Variants in RP2 observed in about 807,000 individuals in gnomAD.
RP2 encodes RP2 activator of ARL3 GTPase, also known as protein XRP2.
In RP2, 3 loss-of-function variants were observed where a neutral mutation model predicts 20.3. The observed-to-expected ratio is 0.15, with a 90% confidence interval of 0.07 to 0.38. The LOEUF (loss-of-function observed/expected upper bound fraction) is 0.38. Among genes scored for constraint, RP2 ranks in the 10% least tolerant of loss-of-function variants. The pLI, the probability that RP2 is intolerant of heterozygous loss-of-function variation, is 1.00. For missense variants in RP2, 233 were observed against 268.5 expected (o/e 0.87, Z 0.92); for synonymous variants, 75 against 94.8 (o/e 0.79, Z 1.22).
At chrX:46,855,623 A>G (rs888106395) in intron 2 of RP2, among the ~76,000 whole-genome samples, 12 of 109,893 alleles carry the variant, frequency 1.1e-4, no homozygotes, top group African/African-American at 4.0e-4. Context: ...GCCTGCCACC[A>G]TGCCCGCTAA....
At chrX:46,848,681 G>A (rs1410452022) in intron 1 of RP2, among the ~76,000 whole-genome samples, 1 of 109,304 alleles carries the variant, frequency 9.1e-6, no homozygotes, top group East Asian at 2.9e-4. Flanking sequence ...ACCACGCCTG[G>A]CCACTTTCCT....
chrX:46,841,074 A>G (rs1556314877), intron 1 of RP2, among the ~76,000 whole-genome samples: 1 of 112,167 alleles, frequency 8.9e-6, no homozygotes, highest in African/African-American at 3.2e-5. Flanking sequence ...AGGTTTAGAC[A>G]GTAATGGTCA....
At chrX:46,868,489 T>C (rs1556323703) in intron 3 of RP2, among the ~76,000 whole-genome samples, 1 of 110,547 alleles carries the variant, frequency 9.0e-6, no homozygotes, top group Non-Finnish European at 1.9e-5. Context: ...AGTCTCACCC[T>C]TAGGAATGAT....
intron 1 of RP2, among the ~76,000 whole-genome samples, chrX:46,838,954 T>C (rs906343772): frequency 8.9e-6 from 1 of 111,848 alleles, no homozygotes; most frequent in African/African-American, 3.2e-5. Context: ...TTGTAAGAGA[T>C]GTTATTGGAT....
Position 46,853,489 on chromosome X carries a change from A to T in RP2, c.116A>T (p.Asp39Val). 8.3e-7 allele frequency: 1 copy of T among 1,210,005 alleles called. No individual in the cohort carries two copies. The highest frequency in any genetic ancestry group is 1.1e-6 in the Non-Finnish European group (1 of 894,508). ...WDQREKVDPK[D>V]YMFSGLKDET... ...TTGTTCCTGCAGGTTGATCCAAAAG[A>T]CTACATGTTCAGTGGACTGAAGGAT... The change falls in exon 2 of 5, where the codon GAC becomes GTC. Residue 39 changes from aspartate (D) to valine (V), a missense_variant. Asp to Val is a radical substitution (Grantham distance 152). Transcript: ENST00000218340.
chrX:46,849,019 G>C (rs1330833570), intron 1 of RP2, among the ~76,000 whole-genome samples: 1 of 108,241 alleles, frequency 9.2e-6, no homozygotes, highest in East Asian at 3.0e-4. Context: ...AACAGAGTGA[G>C]ACCCTGTGTC....
intron 1 of RP2, among the ~76,000 whole-genome samples, chrX:46,849,617 T>G (rs1924823546): frequency 8.9e-6 from 1 of 111,742 alleles, no homozygotes; most frequent in Admixed American, 9.6e-5. Flanking sequence ...ATCTTAAATT[T>G]CTCCTTGGAA....
chrX:46,837,267 C>A, intron 1 of RP2, 65 bp downstream of exon 1: 1 of 1,057,123 alleles, frequency 9.5e-7, no homozygotes, highest in Non-Finnish European at 1.3e-6. Flanking sequence ...CCCTTACGGC[C>A]CGGGACCGCT....
chrX:46,868,453 C>T (rs781810080), intron 3 of RP2, among the ~76,000 whole-genome samples: 1 of 110,713 alleles, frequency 9.0e-6, no homozygotes, highest in South Asian at 3.8e-4. Flanking sequence ...GCAAAGATGC[C>T]TTCCATCACT....
chrX:46,862,476 C>T (rs782403651), intron 3 of RP2, among the ~76,000 whole-genome samples: 14 of 109,870 alleles, frequency 1.3e-4, no homozygotes, highest in Admixed American at 2.9e-4. Flanking sequence ...CTGGCTAACA[C>T]GGTGAAACCC....
Position 46,853,984 on chromosome X carries a change from C to T in RP2, c.611C>T (p.Thr204Ile). The change falls in exon 2 of 5, where the codon ACC becomes ATC. Residue 204 changes from threonine to isoleucine, a missense_variant. Physicochemically the swap from Thr to Ile is moderately conservative, Grantham distance 89. This residue lies in a region of RP2 where 118 missense variants were observed against 123.8 expected (regional missense o/e 0.95). Coordinates refer to ENST00000218340, the MANE Select transcript of RP2 (RefSeq NM_006915.3). ...VVQDYVPIPTTEELKAVRVST... is the reference protein window; with the variant it reads ...VVQDYVPIPTIEELKAVRVST... ...CAGGACTATGTTCCTATACCTACTACCGAAGAGCTCAAAGCTGTTCGTGTT... is the reference window on the plus strand; with the variant it reads ...CAGGACTATGTTCCTATACCTACTATCGAAGAGCTCAAAGCTGTTCGTGTT... 8.3e-7 allele frequency: 1 copy of T among 1,211,716 alleles called. No individual in the cohort carries two copies. The highest frequency in any genetic ancestry group is 1.1e-6 in the Non-Finnish European group (1 of 895,494).
At chrX:46,862,470 C>T (rs1302230826) in intron 3 of RP2, among the ~76,000 whole-genome samples, 5 of 110,667 alleles carry the variant, frequency 4.5e-5, no homozygotes, top group African/African-American at 1.3e-4. Flanking sequence ...ACCATCCTGG[C>T]TAACACGGTG....
chrX:46,859,410 A>G (rs1178667857), intron 2 of RP2, among the ~76,000 whole-genome samples: 1 of 107,495 alleles, frequency 9.3e-6, no homozygotes, highest in Non-Finnish European at 1.9e-5. Context: ...AATCGTTTGA[A>G]CCCAGGCGTT....
chrX:46,839,126 T>C (rs782048669), intron 1 of RP2, among the ~76,000 whole-genome samples: 1 of 112,696 alleles, frequency 8.9e-6, no homozygotes, highest in East Asian at 2.8e-4. Context: ...AGCTTACATT[T>C]TGAGACAATG....
chrX:46,875,905 CA>C (rs1412289027), intron 3 of RP2, among the ~76,000 whole-genome samples: 1 of 111,816 alleles, frequency 8.9e-6, no homozygotes, highest in Non-Finnish European at 1.9e-5. Context: ...TAAGCTTTTT[CA>C]GTGGACATAG....
rs1425776548 is a variant in RP2, at chrX:46,847,751, T to G, written c.103-5725T>G. 1.0e-4 allele frequency among the ~76,000 whole-genome samples: 9 copies of G among 88,766 alleles called. No homozygotes were observed. The Admixed American group carries it at 1.0e-3, about 10-fold the overall frequency. The allele number at this position is 88,766 out of a possible 115,157, so 77.1% of individuals were successfully genotyped here. On this transcript the variant is annotated intron_variant, in intron 1 of 4. Coordinates refer to ENST00000218340, the MANE Select transcript of RP2 (RefSeq NM_006915.3). ...GTGTGTATATACACACATATGTGTG[T>G]GTGTATATACACACATGTGTGTGTG... is the stretch of plus-strand genomic sequence containing the variant.
At chrX:46,847,798 G>GTATATACACACATGTGTGTGTGTGTA (rs1924775409) in intron 1 of RP2, among the ~76,000 whole-genome samples, 1 of 77,283 alleles carries the variant, frequency 1.3e-5, no homozygotes, top group Non-Finnish European at 2.4e-5. Flanking sequence ...ATGTGTGTGT[G>GTATATACACACATGTGTGTGTGTGTA]TATATATATA....
chrX:46,865,814 GC>G (rs1283268611), intron 3 of RP2, among the ~76,000 whole-genome samples: 1 of 110,498 alleles, frequency 9.0e-6, no homozygotes, highest in Non-Finnish European at 1.9e-5. Context: ...TGTAGTCCCA[GC>G]TACTCGGGAG....
At chrX:46,849,103 C>A (rs375606187) in intron 1 of RP2, among the ~76,000 whole-genome samples, 18 of 111,309 alleles carry the variant, frequency 1.6e-4, no homozygotes, top group African/African-American at 5.9e-4. Context: ...TAAAACATGA[C>A]CTTTCCATGT....
Sources: gnomAD v4.1 joint callset for allele counts (sites outside exome capture counted in the v4.1 genomes callset) on GRCh38, gnomAD v4.1.1 for gene constraint, gnomAD v4.1.1 regional missense constraint, MANE v1.5 for transcripts, NCBI Gene and HGNC (gene_info 2026-07-23, HGNC 2026-07-21) for gene names.